The following DLC1 variants were observed in gnomAD, a reference collection of about 807,000 sequenced individuals.
The protein encoded by DLC1 is DLC1 Rho GTPase activating protein.
DLC1 carries 54 observed loss-of-function variants against 140.3 expected under a neutral mutation model. That is an observed-to-expected ratio of 0.38 (90% CI 0.31 to 0.48). The LOEUF is 0.48. DLC1 is among the 20% of genes least tolerant of loss of function. The probability of loss-of-function intolerance (pLI) is 0.96; values close to 1 mark genes in which losing one functional copy is unlikely to be tolerated. For synonymous variants in DLC1, 986 were observed against 728.1 expected (o/e 1.35, Z -5.70); for missense variants, 2,536 against 1,907.0 (o/e 1.33, Z -6.14).
chr8:13,574,455 T>G (rs1207121314), intron 1 of DLC1, among the ~76,000 whole-genome samples: 2 of 152,106 alleles, frequency 1.3e-5, no homozygotes, highest in Non-Finnish European at 2.9e-5. Context: ...CCAAATACTC[T>G]ATAGTTACAC....
At chr8:13,392,684 AGT>A (rs1241698826) in intron 4 of DLC1, among the ~76,000 whole-genome samples, 2 of 152,196 alleles carry the variant, frequency 1.3e-5, no homozygotes, top group African/African-American at 2.4e-5. Context: ...TTCCTTCATA[AGT>A]GTTACCTTTT....
chr8:13,280,308 A>G (rs1449183037), intron 5 of DLC1, among the ~76,000 whole-genome samples: 2 of 151,078 alleles, frequency 1.3e-5, no homozygotes, highest in Non-Finnish European at 3.0e-5. Flanking sequence ...AAAAAAAAAA[A>G]AAGAAAAATG....
At chr8:13,414,050 A>C (rs1837933668) in intron 2 of DLC1, among the ~76,000 whole-genome samples, 1 of 152,100 alleles carries the variant, frequency 6.6e-6, no homozygotes, top group African/African-American at 2.4e-5. Flanking sequence ...AAACACAAAA[A>C]AATTACAGTC....
chr8:13,098,574 G>A lies in DLC1; in HGVS notation c.2992C>T (p.His998Tyr). 1.9e-6 allele frequency: 3 copies of A among 1,612,844 alleles called. No homozygotes were observed. Among genetic ancestry groups the A allele is most frequent in the Non-Finnish European group, 2.5e-6 (3 of 1,179,484 alleles). The change falls in exon 10 of 18, where the codon CAC becomes TAC. Residue 998 changes from histidine (H) to tyrosine (Y), a missense_variant and splice_region_variant. Coordinates refer to ENST00000276297, the MANE Select transcript of DLC1 (RefSeq NM_182643.3). Reference sequence around the variant, plus strand: ...TGGAAACTGTGCCATCTCAGTCGGTGCCTGCGAGAGAAGAGGAGAGGAAAA... The same window carrying A: ...TGGAAACTGTGCCATCTCAGTCGGTACCTGCGAGAGAAGAGGAGAGGAAAA... ...VGASLTRSNR[H>Y]RLRWHSFQSS...
In DLC1 at chr8:13,412,931, C is replaced by CAAA. The variant is rs771025112; in HGVS notation, c.1024-11315_1024-11313dup. Among the ~76,000 whole-genome samples the CAAA allele has an allele frequency of 1.6e-3, 146 of 93,824 alleles. 3 individuals are homozygous for CAAA. The highest frequency in any genetic ancestry group is 4.7e-3 in the East Asian group (15 of 3,202). 61.6% of individuals were successfully genotyped at this position (93,824 alleles called of 152,430 possible). A position where few individuals can be genotyped will look rare whatever the true frequency, so the allele number is the denominator to read the frequency against. On this transcript the variant is annotated intron_variant, in intron 2 of 17. Coordinates refer to ENST00000276297, the MANE Select transcript of DLC1 (RefSeq NM_182643.3). ...TGGGCGACAGAGCGAGACTCCATCTCAAAAAAAAAAAAAAAAAAAAAAATG... is the reference window on the plus strand; with the variant it reads ...TGGGCGACAGAGCGAGACTCCATCTCAAAAAAAAAAAAAAAAAAAAAAAAAATG...
chr8:13,537,648 C>CTTTTTTTTTTTTTT (rs3066420), intron 1 of DLC1, among the ~76,000 whole-genome samples: 1 of 90,346 alleles, frequency 1.1e-5, no homozygotes, highest in African/African-American at 4.6e-5. Context: ...ACAGCTAACT[C>CTTTTTTTTTTTTTT]TTTTTTTTTT....
At chr8:13,355,528 C>A (rs936610944) in intron 4 of DLC1, among the ~76,000 whole-genome samples, 3 of 152,158 alleles carry the variant, frequency 2.0e-5, no homozygotes, top group Non-Finnish European at 4.4e-5. Flanking sequence ...GCAGGTGGCC[C>A]CTCTCTGGTG....
chr8:13,512,187 T>C (rs1007573556), intron 1 of DLC1, among the ~76,000 whole-genome samples: 2 of 151,954 alleles, frequency 1.3e-5, no homozygotes, highest in African/African-American at 4.8e-5. Context: ...TTGAATAGTG[T>C]CTCTTTTAAG....
Position 13,546,507 on chromosome 8 carries a change from A to G in DLC1, c.-125-46311T>C, listed in dbSNP as rs916435687. ...TACAAATTTTACAAGATCATATTTT[A>G]GGTGCAACTTGAAGTCACCTTCCAG... On this transcript the variant is annotated intron_variant, in intron 1 of 1. Transcript: ENST00000631382. Among the ~76,000 whole-genome samples the G allele has an allele frequency of 4.9e-4, 75 of 152,164 alleles. 1 individual carries two copies. Among genetic ancestry groups the G allele is most frequent in the Non-Finnish European group, 1.3e-4 (9 of 68,024 alleles).
At chr8:13,403,422 T>G (rs532356536) in intron 2 of DLC1, among the ~76,000 whole-genome samples, 31 of 152,342 alleles carry the variant, frequency 2.0e-4, no homozygotes, top group Admixed American at 4.6e-4. Flanking sequence ...AACAATCTGA[T>G]TAAATAGTAA....
chr8:13,579,464 CATTATATTTTATATTATATATTTAATAT>C (rs1563454281), intron 1 of DLC1, among the ~76,000 whole-genome samples: 24 of 26,964 alleles, frequency 8.9e-4, no homozygotes, highest in East Asian at 6.4e-3. Context: ...ATATTTAATA[CATTATATTTTATATTATATATTTAATAT>C]ATTATATTTT....
chr8:13,583,479 A>G (rs1585302208), intron 1 of DLC1, among the ~76,000 whole-genome samples: 1 of 152,170 alleles, frequency 6.6e-6, no homozygotes. Flanking sequence ...TTCTCTTGCT[A>G]TTTCTATCAT....
intron 5 of DLC1, among the ~76,000 whole-genome samples, chr8:13,205,801 C>T (rs1422562172): frequency 6.6e-6 from 1 of 152,142 alleles, no homozygotes; most frequent in East Asian, 1.9e-4. Flanking sequence ...GACATATTAT[C>T]TCATCTGAAA....
chr8:13,498,849 G>C lies in DLC1; in HGVS notation c.1023+200C>G, dbSNP rs148981924. The stretch of plus-strand genomic sequence containing the variant: ...TCATAAACCATTATACACATTATTA[G>C]TGAAACGGATAGATTATTATTCTTT... On this transcript the variant is annotated intron_variant, in intron 2 of 17. Transcript: ENST00000276297. The C allele has an allele frequency of 3.1e-5, 18 of 572,246 alleles. No individual in the cohort carries two copies. The African/African-American group carries it at 3.2e-4, about 10-fold the overall frequency. 35.4% of individuals were successfully genotyped at this position (572,246 alleles called of 1,614,324 possible). A position where few individuals can be genotyped will look rare whatever the true frequency, so the allele number is the denominator to read the frequency against.
chr8:13,463,558 G>A (rs1585151732), intron 2 of DLC1, among the ~76,000 whole-genome samples: 1 of 152,102 alleles, frequency 6.6e-6, no homozygotes, highest in South Asian at 2.1e-4. Context: ...TTTGAAATAG[G>A]CCTGTTGAAT....
intron 2 of DLC1, among the ~76,000 whole-genome samples, chr8:13,480,799 G>T (rs1800695191): frequency 6.6e-6 from 1 of 152,194 alleles, no homozygotes; most frequent in Admixed American, 6.5e-5. Flanking sequence ...AGCTACTAGG[G>T]AGGCTGAGGC....
chr8:13,562,234 T>C (rs1804269190), intron 1 of DLC1, among the ~76,000 whole-genome samples: 1 of 152,096 alleles, frequency 6.6e-6, no homozygotes, highest in African/African-American at 2.4e-5. Context: ...ATACATTTGA[T>C]ATATGAGAGA....
chr8:13,362,432 A>T (rs1835273271), intron 4 of DLC1, among the ~76,000 whole-genome samples: 1 of 152,124 alleles, frequency 6.6e-6, no homozygotes, highest in Admixed American at 6.6e-5. Context: ...TATGGTGGGG[A>T]TCCAAGTGCC....
At chr8:13,192,007 T>C (rs1252818141) in intron 5 of DLC1, among the ~76,000 whole-genome samples, 1 of 150,776 alleles carries the variant, frequency 6.6e-6, no homozygotes, top group Non-Finnish European at 1.5e-5. Flanking sequence ...AGTGGTGTGA[T>C]CTCGGCTCAC....
Sources: allele counts gnomAD v4.1 joint callset (sites outside exome capture counted in the v4.1 genomes callset), GRCh38; gene constraint gnomAD v4.1.1; transcripts MANE v1.5; gene names NCBI Gene and HGNC (gene_info 2026-07-23, HGNC 2026-07-21).